RPL35: variants seen among roughly 807,000 people sequenced by gnomAD.
RPL35 encodes the protein large ribosomal subunit protein uL29.
Under a neutral mutation model 15.6 loss-of-function variants are expected in RPL35, and 2 were observed. The observed-to-expected ratio is 0.13, with a 90% CI of 0.05 to 0.40. The LOEUF (loss-of-function observed/expected upper bound fraction) is 0.40. Among genes scored for constraint, RPL35 ranks in the 10% least tolerant of loss-of-function variants. The probability of loss-of-function intolerance (pLI) is 0.99; values close to 1 mark genes in which losing one functional copy is unlikely to be tolerated. For missense variants in RPL35, 111 were observed against 164.7 expected, an observed-to-expected ratio of 0.67 and a Z score of 1.79; for synonymous variants, 93 against 67.9, an observed-to-expected ratio of 1.37 and a Z score of -1.82.
chr9:124,858,539 T>A (rs1829144168), intron 3 of RPL35: 1 of 714,926 alleles, frequency 1.4e-6, no homozygotes, highest in East Asian at 2.7e-5. Flanking sequence ...AGCTGCTGCC[T>A]GTATGAACGT....
intron 3 of RPL35, 146 bp from the exon 4 acceptor site, chr9:124,858,213 T>A: frequency 4.3e-6 from 3 of 698,654 alleles, no homozygotes; most frequent in Non-Finnish European, 7.2e-6. Context: ...TGTCACTAAC[T>A]CAATTAATCC....
intron 3 of RPL35, among the ~76,000 whole-genome samples, chr9:124,859,648 A>C (rs1435627881): frequency 2.0e-5 from 3 of 152,180 alleles, no homozygotes; most frequent in Admixed American, 6.5e-5. Context: ...ATGAATGTTA[A>C]GGACAAGACC....
chr9:124,858,262 G>T lies in RPL35; in HGVS notation c.223-195C>A. On this transcript the variant is annotated intron_variant, in intron 3 of 3. Coordinates refer to ENST00000348462, the MANE Select transcript of RPL35 (RefSeq NM_007209.4). ...GCTGGTGGGACCATCCTCATTTCAT[G>T]TAAGTCTGCTGACCTACTGGGCTGA... The T allele has an allele frequency of 4.8e-6, 3 of 623,764 alleles. No homozygotes were observed. In the South Asian group the frequency reaches 5.9e-5, roughly 12 times the overall value. The allele number at this position is 623,764 out of a possible 1,614,324, so 38.6% of individuals were successfully genotyped here.
In RPL35 at chr9:124,860,406, G is replaced by C; in HGVS notation, c.141-142C>G. ...CTCAGGAGGAAGGCGTTCTGGGAGT[G>C]AGGTCTGAGGAGGGAAGAGAGGGGC... On this transcript the variant is annotated intron_variant, in intron 2 of 3. Transcript: ENST00000348462. 3 of 704,764 alleles carry C rather than the reference G, an allele frequency of 4.3e-6. 1 individual carries two copies. The highest frequency in any genetic ancestry group is 3.1e-5 in the South Asian group (2 of 65,066). 43.7% of individuals were successfully genotyped at this position (704,764 alleles called of 1,614,324 possible).
intron 3 of RPL35, chr9:124,858,562 G>A (rs1438928482): frequency 1.4e-6 from 1 of 710,266 alleles, no homozygotes; most frequent in South Asian, 1.5e-5. Flanking sequence ...AGCCTCAGAG[G>A]CCTGGCTGGC....
intron 2 of RPL35, among the ~76,000 whole-genome samples, chr9:124,860,657 T>C (rs1209809584): frequency 6.6e-6 from 1 of 152,126 alleles, no homozygotes; most frequent in Non-Finnish European, 1.5e-5. Flanking sequence ...GTGGAGTCAC[T>C]ACAAGCCAGG....
In RPL35 at chr9:124,861,566, G is replaced by A. The variant is rs746323454; in HGVS notation, c.4-11C>T. 11 of 1,612,408 alleles carry A rather than the reference G, an allele frequency of 6.8e-6. No individual in the cohort carries two copies. The highest frequency in any genetic ancestry group is 3.3e-5 in the South Asian group (3 of 90,950). ...AGCCTTGATCTTGGCCTGCGCGCAA[G>A]AGAGAGTGTGCCTCAGCCAGGCCGC... On this transcript the variant is annotated splice_polypyrimidine_tract_variant and intron_variant, in intron 1 of 3. Transcript: ENST00000348462.
intron 2 of RPL35, 59 bp downstream of exon 2, chr9:124,861,360 G>A: frequency 1.3e-5 from 20 of 1,563,544 alleles, no homozygotes; most frequent in Non-Finnish European, 1.5e-5. Flanking sequence ...ATCCTCCGAC[G>A]ATCCCGATGC....
chr9:124,861,678 G>A (rs1355067390), intron 1 of RPL35, 123 bp from the exon 2 acceptor site: 2 of 1,437,180 alleles, frequency 1.4e-6, no homozygotes, highest in African/African-American at 1.4e-5. Context: ...CCCCAACCAG[G>A]GCTCAGGACA....
In RPL35 at chr9:124,857,965, G is replaced by T; in HGVS notation, c.325C>A (p.Arg109=). The T allele has an allele frequency of 1.9e-6, 3 of 1,612,240 alleles. No individual in the cohort carries two copies. Among genetic ancestry groups the T allele is most frequent in the Non-Finnish European group, 2.5e-6 (3 of 1,180,034 alleles). ...CGCAGCGGGTACAGCCGCTCCTTCC[G>T]CTGCTGCTTCTTGGTCTTCAGGTTC... ...EENLKTKKQQ[R]KERLYPLRKY... Residue 109 remains arginine (R), a synonymous_variant, in exon 4 of 4, where the codon CGG becomes AGG. Transcript: ENST00000348462.
Position 124,860,077 on chromosome 9 carries a change from C to T in RPL35, c.222+106G>A, listed in dbSNP as rs1357693359. ...AGCAACAAATTGGGAAGGCTAACCA[C>T]TCTCAGCCCACGCACCAAGAAAAAC... On this transcript the variant is annotated intron_variant, in intron 3 of 3. Coordinates refer to ENST00000348462, the MANE Select transcript of RPL35 (RefSeq NM_007209.4). 6 of 823,982 alleles carry T rather than the reference C, an allele frequency of 7.3e-6. No homozygotes were observed. In the Admixed American group the frequency reaches 9.4e-5, roughly 13 times the overall value. 51.0% of individuals were successfully genotyped at this position (823,982 alleles called of 1,614,324 possible).
chr9:124,860,794 C>T (rs139128846), intron 2 of RPL35, among the ~76,000 whole-genome samples: 98 of 152,262 alleles, frequency 6.4e-4, no homozygotes, highest in African/African-American at 2.2e-3. Context: ...TTGTCCAATC[C>T]TCCCACCCCT....
rs2131326723 is a variant in RPL35, at chr9:124,861,861, C to T, written c.3+49G>A. 5 of 1,599,022 alleles carry T rather than the reference C, an allele frequency of 3.1e-6. No homozygotes were observed. The South Asian group carries it at 4.5e-5, about 14-fold the overall frequency. ...GCTCAGCCCGCACCGCCTTCCCCAA[C>T]CCCCGCGCCTCACAGCGCTCGGATG... On this transcript the variant is annotated intron_variant, in intron 1 of 3. Transcript: ENST00000348462.
In RPL35 at chr9:124,857,930, C is replaced by T. The variant is rs748741219; in HGVS notation, c.360G>A (p.Ala120=). Residue 120 remains alanine (A), a synonymous_variant, in exon 4 of 4, where the codon GCG becomes GCA. Coordinates refer to ENST00000348462, the MANE Select transcript of RPL35 (RefSeq NM_007209.4). ...GACAATGCGCCCCTCAGGCCTTGAC[C>T]GCGTACTTCCGCAGCGGGTACAGCC... ...KERLYPLRKY[A]VKA 4.8e-5 allele frequency: 78 copies of T among 1,612,102 alleles called. No individual in the cohort carries two copies. The highest frequency in any genetic ancestry group is 7.7e-5 in the South Asian group (7 of 91,000).
chr9:124,860,334 T>A (rs774903183), intron 2 of RPL35, 70 bp from the exon 3 acceptor site: 35 of 1,274,938 alleles, frequency 2.7e-5, no homozygotes, highest in Non-Finnish European at 3.8e-5. Flanking sequence ...GACTCACACA[T>A]AGGGCAGCAA....
chr9:124,861,347 GAA>G, intron 2 of RPL35, 70 bp downstream of exon 2: 1 of 1,551,222 alleles, frequency 6.4e-7, no homozygotes, highest in South Asian at 1.2e-5. Flanking sequence ...AGCCAACTTT[GAA>G]ATCCTCCGAC....
chr9:124,859,671 T>C (rs1829165226), intron 3 of RPL35, among the ~76,000 whole-genome samples: 1 of 152,044 alleles, frequency 6.6e-6, no homozygotes, highest in South Asian at 2.1e-4. Context: ...AAAATGGTTA[T>C]CAAAATTCAA....
intron 3 of RPL35, among the ~76,000 whole-genome samples, chr9:124,858,960 G>A (rs1249676150): frequency 6.6e-6 from 1 of 152,214 alleles, no homozygotes; most frequent in East Asian, 1.9e-4. Flanking sequence ...CAGCCCTGGA[G>A]GGTACTTGGA....
At position 124,858,645 on chromosome 9, in the gene RPL35, T is replaced by C. The variant is rs1441191590; in HGVS notation, c.223-578A>G. 1.3e-5 allele frequency: 8 copies of C among 633,180 alleles called. No individual in the cohort carries two copies. The East Asian group carries it at 1.9e-4, about 15-fold the overall frequency. The allele number at this position is 633,180 out of a possible 1,614,324, so 39.2% of individuals were successfully genotyped here. A position where few individuals can be genotyped will look rare whatever the true frequency, so the allele number is the denominator to read the frequency against. ...AGCTGTCACAGAGCCATCATCTGTCTTTCCATCCTTGGCTCCCACTCCTGC... is the reference window on the plus strand; with the variant it reads ...AGCTGTCACAGAGCCATCATCTGTCCTTCCATCCTTGGCTCCCACTCCTGC... On this transcript the variant is annotated intron_variant, in intron 3 of 3. Transcript: ENST00000348462.
Sources: gnomAD v4.1 joint callset for allele counts (sites outside exome capture counted in the v4.1 genomes callset) on GRCh38, gnomAD v4.1.1 for gene constraint, MANE v1.5 for transcripts, NCBI Gene and HGNC (gene_info 2026-07-23, HGNC 2026-07-21) for gene names.